NEBL: variants seen among roughly 807,000 people sequenced by gnomAD.
NEBL encodes the protein LIM and SH3 protein 2.
In NEBL, 122 loss-of-function variants were observed where a neutral mutation model predicts 140.2. The ratio of observed to expected loss-of-function variants is 0.87; its 90% CI spans 0.75 to 1.01. The LOEUF (loss-of-function observed/expected upper bound fraction) is 1.01, where lower values mean the gene tolerates loss of function less well. NEBL is among the 50% of genes least tolerant of loss of function. The pLI is 0.00. For missense variants in NEBL, 1,365 were observed against 1,231.3 expected (o/e 1.11, Z -1.62); for synonymous variants, 436 against 398.9 (o/e 1.09, Z -1.11).
intron 9 of NEBL, 124 bp downstream of exon 9, chr10:20,858,116 A>C: frequency 1.4e-6 from 1 of 739,990 alleles, no homozygotes; most frequent in Non-Finnish European, 2.4e-6. Flanking sequence ...TCAATGAGTT[A>C]GTTAACGAGG....
chr10:20,966,379 A>T (rs528600744), intron 3 of NEBL, among the ~76,000 whole-genome samples: 1 of 152,364 alleles, frequency 6.6e-6, no homozygotes, highest in African/African-American at 2.4e-5. Context: ...ATCCTCAGAA[A>T]ATAAAACAAG....
At chr10:21,108,658 T>C (rs934119862) in intron 2 of NEBL, among the ~76,000 whole-genome samples, 1 of 152,172 alleles carries the variant, frequency 6.6e-6, no homozygotes, top group African/African-American at 2.4e-5. Flanking sequence ...GGTGGAGAGT[T>C]CTGTAGATGT....
rs745323501 is a variant in NEBL at position 20,880,838 on chromosome 10, G to A, written c.436C>T (p.Pro146Ser). The change falls in exon 5 of 28, where the codon CCT becomes TCT. Residue 146 changes from proline to serine, a missense_variant. Pro to Ser is a moderately conservative substitution (Grantham distance 74). Coordinates refer to ENST00000377122, the MANE Select transcript of NEBL (RefSeq NM_006393.3). The stretch of plus-strand genomic sequence containing the variant: ...ACCTCCATGGCATGTTTAACCTCAG[G>A]GGGCTCCTTCATGTGGGCATAATCT... ...FSDYAHMKEP[P>S]EVKHAMEVNK... The A allele has an allele frequency of 6.2e-7, 1 of 1,613,988 alleles. No individual in the cohort carries two copies.
At chr10:20,815,795 G>T in intron 21 of NEBL, 78 bp from the exon 22 acceptor site, 1 of 1,026,928 alleles carries the variant, frequency 9.7e-7, no homozygotes, top group Non-Finnish European at 1.5e-6. Context: ...TTAAGACAGG[G>T]TCTTGCTCTG....
intron 3 of NEBL, among the ~76,000 whole-genome samples, chr10:20,997,463 A>G (rs1015197733): frequency 1.6e-5 from 2 of 126,598 alleles, no homozygotes; most frequent in African/African-American, 6.0e-5. Flanking sequence ...ATAAACGCAC[A>G]GTCTCAGTAA....
chr10:21,186,257 A>ACACACAC (rs955598418), intron 3 of NEBL, among the ~76,000 whole-genome samples: 5 of 124,736 alleles, frequency 4.0e-5, no homozygotes, highest in African/African-American at 8.5e-5. Flanking sequence ...TATATATACA[A>ACACACAC]ACACACACAC....
intron 3 of NEBL, among the ~76,000 whole-genome samples, chr10:21,202,763 C>A (rs959543481): frequency 1.3e-5 from 2 of 152,104 alleles, no homozygotes; most frequent in African/African-American, 4.8e-5. Context: ...GCCCGGCCTT[C>A]CACCTTCTAA....
intron 7 of NEBL, among the ~76,000 whole-genome samples, chr10:20,866,707 G>A (rs539102401): frequency 6.6e-5 from 10 of 152,208 alleles, no homozygotes; most frequent in African/African-American, 2.2e-4. Flanking sequence ...TTCTAAGGAC[G>A]CGTCTTTCTT....
chr10:20,935,502 T>C (rs1719563663), intron 4 of NEBL, among the ~76,000 whole-genome samples: 1 of 152,136 alleles, frequency 6.6e-6, no homozygotes, highest in South Asian at 2.1e-4. Context: ...CCTTAAAATA[T>C]TTGCATCGCC....
intron 1 of NEBL, chr10:21,172,542 G>C: frequency 8.0e-7 from 1 of 1,242,394 alleles, no homozygotes; most frequent in African/African-American, 1.5e-5. Flanking sequence ...GATGGGCACA[G>C]AAGGAAGGCT....
rs1016462824 is a variant in NEBL at position 20,783,235 on chromosome 10, A to G, written c.*2512T>C. 2 of 152,122 alleles carry G rather than the reference A, an allele frequency of 1.3e-5. No homozygotes were observed. The highest frequency in any genetic ancestry group is 6.6e-5 in the Admixed American group (1 of 15,254). 9.4% of individuals were successfully genotyped at this position (152,122 alleles called of 1,614,324 possible). Reference sequence around the variant, plus strand: ...TTGGTTTTATACATATAATTTTCCAATATTTCTCCTGAGATGCTTAACATC... The same window carrying G: ...TTGGTTTTATACATATAATTTTCCAGTATTTCTCCTGAGATGCTTAACATC... On this transcript the variant is annotated 3_prime_UTR_variant, in exon 28 of 28. Coordinates refer to ENST00000377122, the MANE Select transcript of NEBL (RefSeq NM_006393.3).
chr10:21,036,347 G>C (rs539087121), intron 2 of NEBL, among the ~76,000 whole-genome samples: 1 of 151,898 alleles, frequency 6.6e-6, no homozygotes, highest in Non-Finnish European at 1.5e-5. Flanking sequence ...CCAGCTACTC[G>C]GGAGGCTTAG....
In NEBL at chr10:20,796,447, C is replaced by A. The variant is rs150540073; in HGVS notation, c.2762-9139G>T. On this transcript the variant is annotated intron_variant, in intron 26 of 27. Coordinates refer to ENST00000377122, the MANE Select transcript of NEBL (RefSeq NM_006393.3). ...CTGCAGTTCCTAAATATTGAAAAAA[C>A]ACACAACATTAGTTGTATTTTTAAT... 1.4e-3 allele frequency among the ~76,000 whole-genome samples: 177 copies of A among 128,226 alleles called. 1 individual carries two copies. Among genetic ancestry groups the A allele is most frequent in the African/African-American group, 5.0e-3 (173 of 34,682 alleles). 84.1% of individuals were successfully genotyped at this position (128,226 alleles called of 152,430 possible). A position where few individuals can be genotyped will look rare whatever the true frequency, so the allele number is the denominator to read the frequency against.
Position 21,044,316 on chromosome 10 carries a change from G to A in NEBL, c.165-24115C>T, listed in dbSNP as rs1368393691. Among the ~76,000 whole-genome samples the A allele has an allele frequency of 1.2e-4, 17 of 141,516 alleles. No individual in the cohort carries two copies. In the Admixed American group the frequency reaches 1.3e-3, roughly 11 times the overall value. The allele number at this position is 141,516 out of a possible 152,430, so 92.8% of individuals were successfully genotyped here. A position where few individuals can be genotyped will look rare whatever the true frequency, so the allele number is the denominator to read the frequency against. ...GGAGGCTGAGGCAGGAGAATCGCTT[G>A]AACCCGGGAGGCGGAGGTTGAAGTG... On this transcript the variant is annotated intron_variant, in intron 2 of 6. Coordinates refer to the NEBL transcript ENST00000417816.
intron 2 of NEBL, among the ~76,000 whole-genome samples, chr10:21,122,230 T>C (rs547594056): frequency 6.6e-6 from 1 of 152,224 alleles, no homozygotes; most frequent in South Asian, 2.1e-4. Context: ...TTCACCATGT[T>C]GGCCAGGCTG....
intron 2 of NEBL, among the ~76,000 whole-genome samples, chr10:21,086,274 CG>C (rs1836625157): frequency 1.3e-5 from 2 of 152,198 alleles, no homozygotes; most frequent in Admixed American, 1.3e-4. Context: ...CAAAACTGCA[CG>C]ATTTGTGTAA....
At chr10:21,013,263 C>T (rs1306881176) in intron 3 of NEBL, among the ~76,000 whole-genome samples, 2 of 152,130 alleles carry the variant, frequency 1.3e-5, no homozygotes, top group Non-Finnish European at 2.9e-5. Context: ...CTATGTGAAA[C>T]GTAATCTCTT....
intron 3 of NEBL, among the ~76,000 whole-genome samples, chr10:21,200,699 T>C (rs1026089209): frequency 6.6e-6 from 1 of 152,156 alleles, no homozygotes; most frequent in African/African-American, 2.4e-5. Flanking sequence ...AACATGAGCA[T>C]CCTGGAGTCA....
intron 22 of NEBL, among the ~76,000 whole-genome samples, chr10:20,815,324 G>A (rs933471835): frequency 6.6e-6 from 1 of 152,098 alleles, no homozygotes; most frequent in Non-Finnish European, 1.5e-5. Flanking sequence ...CACATCAAAG[G>A]CTTTACCACC....
Sources: allele counts gnomAD v4.1 joint callset (sites outside exome capture counted in the v4.1 genomes callset), GRCh38; gene constraint gnomAD v4.1.1; transcripts MANE v1.5; gene names NCBI Gene and HGNC (gene_info 2026-07-23, HGNC 2026-07-21).